Variants in DMD observed in about 807,000 individuals in gnomAD.
The protein encoded by DMD is dystrophin, also known as mutant dystrophin.
DMD carries 63 observed loss-of-function variants against 330.1 expected under a neutral mutation model. The ratio of observed to expected loss-of-function variants is 0.19; its 90% CI spans 0.16 to 0.24. DMD has a LOEUF of 0.24. Among genes scored for constraint, DMD ranks in the 10% least tolerant of loss-of-function variants. The pLI is 1.00. For missense variants in DMD, 3,344 were observed against 2,684.1 expected, an observed-to-expected ratio of 1.25 and a Z score of -5.43; for synonymous variants, 1,223 against 959.8, an observed-to-expected ratio of 1.27 and a Z score of -5.07.
intron 49 of DMD, among the ~76,000 whole-genome samples, chrX:31,830,804 C>G (rs1174191894): frequency 1.8e-5 from 2 of 111,261 alleles, no homozygotes; most frequent in Non-Finnish European, 3.8e-5. Flanking sequence ...TAGAAATAAA[C>G]TAGGCAGACA....
At chrX:33,031,631 C>A (rs976602401) in intron 1 of DMD, among the ~76,000 whole-genome samples, 1 of 110,673 alleles carries the variant, frequency 9.0e-6, no homozygotes, top group African/African-American at 3.3e-5. Context: ...ATTAGCCGGG[C>A]GTGGTGGCGG....
At chrX:31,787,083 T>A (rs1355883638) in intron 50 of DMD, among the ~76,000 whole-genome samples, 1 of 112,245 alleles carries the variant, frequency 8.9e-6, no homozygotes, top group Non-Finnish European at 1.9e-5. Flanking sequence ...TTTTTAAAGT[T>A]AATTATAAGC....
chrX:31,522,292 G>A (rs2072837692), intron 55 of DMD, among the ~76,000 whole-genome samples: 1 of 101,441 alleles, frequency 9.9e-6, no homozygotes, highest in Admixed American at 1.1e-4. Flanking sequence ...AAGACCCATG[G>A]CGGGAAGAGA....
At chrX:32,416,846 C>G (rs776536162) in intron 29 of DMD, among the ~76,000 whole-genome samples, 16 of 111,570 alleles carry the variant, frequency 1.4e-4, no homozygotes, top group Non-Finnish European at 2.8e-4. Context: ...GTCAAGTTTT[C>G]TTTCCCAGAG....
chrX:32,252,929 A>AAT (rs1416762948), intron 43 of DMD, among the ~76,000 whole-genome samples: 6 of 84,621 alleles, frequency 7.1e-5, no homozygotes, highest in South Asian at 4.9e-4. Context: ...TAGATATATA[A>AAT]ATATATATAT....
At chrX:33,200,492 C>T (rs2148825434) in intron 1 of DMD, among the ~76,000 whole-genome samples, 1 of 111,551 alleles carries the variant, frequency 9.0e-6, no homozygotes, top group South Asian at 3.7e-4. Context: ...AGCTAATTTA[C>T]TTCATTCATC....
intron 74 of DMD, among the ~76,000 whole-genome samples, chrX:31,167,253 C>T (rs1233558734): frequency 1.8e-5 from 2 of 111,740 alleles, no homozygotes; most frequent in African/African-American, 6.5e-5. Context: ...CTGTGTGAAC[C>T]TCTAAGAACC....
intron 61 of DMD, among the ~76,000 whole-genome samples, chrX:31,329,363 T>TA (rs1023026873): frequency 9.0e-6 from 1 of 110,635 alleles, no homozygotes; most frequent in Non-Finnish European, 1.9e-5. Flanking sequence ...CATTCAGCAT[T>TA]AAAAAAAAGA....
At chrX:33,080,200 A>C (rs181986699) in intron 1 of DMD, among the ~76,000 whole-genome samples, 1 of 112,235 alleles carries the variant, frequency 8.9e-6, no homozygotes, top group Admixed American at 9.4e-5. Context: ...TTCTGGCCCC[A>C]CAGTATGACT....
At chrX:32,004,988 AC>A (rs1002858209) in intron 44 of DMD, among the ~76,000 whole-genome samples, 1 of 111,350 alleles carries the variant, frequency 9.0e-6, no homozygotes, top group African/African-American at 3.3e-5. Flanking sequence ...TGAAGACTGC[AC>A]CCCACTGCTG....
chrX:32,302,096 C>T (rs1163986862), intron 42 of DMD, among the ~76,000 whole-genome samples: 1 of 111,010 alleles, frequency 9.0e-6, no homozygotes, highest in Non-Finnish European at 1.9e-5. Flanking sequence ...ACATGGCCCC[C>T]GTCTTATAAT....
At chrX:32,511,524 G>GAAAAAAAAAA (rs67754841) in intron 18 of DMD, among the ~76,000 whole-genome samples, 6 of 49,767 alleles carry the variant, frequency 1.2e-4, no homozygotes, top group African/African-American at 1.6e-4. Context: ...TCCGTCTCGG[G>GAAAAAAAAAA]AAAAAAAAAA....
intron 57 of DMD, among the ~76,000 whole-genome samples, chrX:31,482,414 A>G (rs891900962): frequency 9.0e-6 from 1 of 111,685 alleles, no homozygotes; most frequent in Non-Finnish European, 1.9e-5. Flanking sequence ...ATCAAAGTTT[A>G]ATGGGCAAAC....
intron 50 of DMD, among the ~76,000 whole-genome samples, chrX:31,782,377 G>A (rs767541269): frequency 1.4e-3 from 155 of 110,945 alleles, no homozygotes; most frequent in African/African-American, 4.8e-3. Context: ...CTCTTCCACC[G>A]CTATGGAACT....
chrX:32,617,754 A>C (rs1027064075), intron 11 of DMD, among the ~76,000 whole-genome samples: 1 of 111,375 alleles, frequency 9.0e-6, no homozygotes, highest in Non-Finnish European at 1.9e-5. Context: ...AAAAAAATTA[A>C]AATTAAAATT....
intron 60 of DMD, among the ~76,000 whole-genome samples, chrX:31,428,229 C>A (rs2063822087): frequency 9.0e-6 from 1 of 111,553 alleles, no homozygotes; most frequent in Non-Finnish European, 1.9e-5. Context: ...TGGCTCAGTG[C>A]CATTCTTGCA....
chrX:31,640,032 T>G (rs1179611545), intron 54 of DMD, among the ~76,000 whole-genome samples: 1 of 111,663 alleles, frequency 9.0e-6, no homozygotes, highest in Non-Finnish European at 1.9e-5. Flanking sequence ...CCATAGAGAA[T>G]GAAATAGCAT....
rs73463823 is a variant in DMD, at chrX:32,386,270, A to G, written c.4674+40T>C. The G allele has an allele frequency of 3.1e-4, 378 of 1,201,189 alleles. 1 individual carries two copies. In the African/African-American group the frequency reaches 5.8e-3, roughly 19 times the overall value. ...GCCCGTTGCTTTACAATTTATAAGGAAAGTGGAAAGAAGTGTTTGTGGTCT... is the reference window on the plus strand; with the variant it reads ...GCCCGTTGCTTTACAATTTATAAGGGAAGTGGAAAGAAGTGTTTGTGGTCT... On this transcript the variant is annotated intron_variant, in intron 33 of 78. Coordinates refer to ENST00000357033, the MANE Select transcript of DMD (RefSeq NM_004006.3).
intron 6 of DMD, among the ~76,000 whole-genome samples, chrX:32,815,520 T>TATATATACACACAC: frequency 2.2e-4 from 17 of 78,914 alleles, no homozygotes; most frequent in African/African-American, 5.8e-4. Context: ...TATATATATA[T>TATATATACACACAC]ACACACACAC....
Sources: allele counts gnomAD v4.1 joint callset (sites outside exome capture counted in the v4.1 genomes callset), GRCh38; gene constraint gnomAD v4.1.1; transcripts MANE v1.5; gene names NCBI Gene and HGNC (gene_info 2026-07-23, HGNC 2026-07-21).